GAD2: variants seen among roughly 807,000 people sequenced by gnomAD.
The protein encoded by GAD2 is glutamate decarboxylase 2.
GAD2 carries 22 observed loss-of-function variants against 80.1 expected under a neutral mutation model. The observed-to-expected ratio is 0.27, with a 90% confidence interval of 0.20 to 0.39. GAD2 has a LOEUF of 0.39. Ranked by LOEUF, GAD2 falls within the 10% of genes least tolerant of loss-of-function variation. The pLI is 1.00. For synonymous variants in GAD2, 274 were observed against 256.9 expected (o/e 1.07, Z -0.64); for missense variants, 624 against 738.4 (o/e 0.85, Z 1.80).
rs1343389503 is a variant in GAD2 at position 26,217,060 on chromosome 10, C to T, written c.76+175C>T. ...CCCAAGAGCTCAAGACCTCTACAGC[C>T]TCTTGTACCCTGGGAAGACGCCCAA... On this transcript the variant is annotated intron_variant, in intron 1 of 15. Transcript: ENST00000376261. The surrounding 1 kb of genome is among the most constrained non-coding windows in gnomAD (Gnocchi z 4.9). Among the ~76,000 whole-genome samples, 4 of 152,092 alleles carry T rather than the reference C, an allele frequency of 2.6e-5. No individual in the cohort carries two copies. The highest frequency in any genetic ancestry group is 2.6e-4 in the Admixed American group (4 of 15,268).
chr10:26,222,034 G>A (rs1450497599), intron 4 of GAD2, among the ~76,000 whole-genome samples: 1 of 152,204 alleles, frequency 6.6e-6, no homozygotes, highest in Admixed American at 6.5e-5. Context: ...AATCGAGAGA[G>A]CCTGTTGATC....
intron 15 of GAD2, among the ~76,000 whole-genome samples, chr10:26,300,048 C>T (rs1220521431): frequency 3.9e-5 from 6 of 152,084 alleles, no homozygotes; most frequent in Admixed American, 3.9e-4. Context: ...GATGAGGCCT[C>T]ATAAATGGAT....
chr10:26,239,631 C>T (rs1844716443), intron 7 of GAD2, among the ~76,000 whole-genome samples: 1 of 152,162 alleles, frequency 6.6e-6, no homozygotes, highest in Non-Finnish European at 1.5e-5. Flanking sequence ...ACACAGTGAA[C>T]TAATATTAGA....
At chr10:26,263,454 G>T (rs1166622010) in intron 8 of GAD2, among the ~76,000 whole-genome samples, 2 of 152,142 alleles carry the variant, frequency 1.3e-5, no homozygotes, top group Non-Finnish European at 2.9e-5. Context: ...CCTAAGACAG[G>T]CTACCCATGT....
Position 26,286,509 on chromosome 10 carries a change from A to G in GAD2, c.1386+15A>G, listed in dbSNP as rs766633652. Reference sequence around the variant, plus strand: ...GGAGGGCAAAGGTGAGTATGTATGGACCAGCTAAATGTCAACTAAAAACAG... The same window carrying G: ...GGAGGGCAAAGGTGAGTATGTATGGGCCAGCTAAATGTCAACTAAAAACAG... On this transcript the variant is annotated intron_variant, in intron 13 of 15. Coordinates refer to ENST00000376261, the MANE Select transcript of GAD2 (RefSeq NM_001134366.2). The G allele has an allele frequency of 6.3e-7, 1 of 1,598,468 alleles. No individual in the cohort carries two copies. The highest frequency in any genetic ancestry group is 1.1e-5 in the South Asian group (1 of 87,504).
chr10:26,247,896 AAAAAAAAAAAAAAAAAGG>A (rs1307194869), intron 8 of GAD2, among the ~76,000 whole-genome samples: 4 of 71,044 alleles, frequency 5.6e-5, no homozygotes, highest in African/African-American at 2.0e-4. Context: ...ACTCCATCTC[AAAAAAAAAAAAAAAAAGG>A]AAAAGAAAAA....
At position 26,217,533 on chromosome 10, in the gene GAD2, A is replaced by C. The variant is rs984626165; in HGVS notation, c.77-77A>C. The C allele has an allele frequency of 1.4e-6, 2 of 1,464,298 alleles. No homozygotes were observed. The allele number at this position is 1,464,298 out of a possible 1,614,324, so 90.7% of individuals were successfully genotyped here. A position where few individuals can be genotyped will look rare whatever the true frequency, so the allele number is the denominator to read the frequency against. On this transcript the variant is annotated intron_variant, in intron 1 of 15. Transcript: ENST00000376261. This position sits in a 1 kb window ranked among gnomAD's most constrained non-coding sequence, Gnocchi z 4.9. ...TAGGACCCCGGACTGATTGATTTTCACATAGAACGAAATTTCACACGTCCG... is the reference window on the plus strand; with the variant it reads ...TAGGACCCCGGACTGATTGATTTTCCCATAGAACGAAATTTCACACGTCCG...
intron 15 of GAD2, among the ~76,000 whole-genome samples, chr10:26,299,493 T>C (rs1329242188): frequency 1.3e-5 from 2 of 152,218 alleles, no homozygotes; most frequent in East Asian, 3.8e-4. Context: ...GTGGATAGAC[T>C]GTATGTACAG....
At chr10:26,239,724 A>T (rs906365093) in intron 7 of GAD2, among the ~76,000 whole-genome samples, 9 of 152,166 alleles carry the variant, frequency 5.9e-5, no homozygotes, top group African/African-American at 1.9e-4. Flanking sequence ...TGTGGAGGTG[A>T]TATGTGAGCA....
intron 11 of GAD2, among the ~76,000 whole-genome samples, chr10:26,276,308 C>T (rs1014745015): frequency 3.9e-5 from 6 of 152,144 alleles, no homozygotes; most frequent in African/African-American, 1.4e-4. Flanking sequence ...GAGATGGTGC[C>T]GCTGAGAGGG....
At chr10:26,273,578 T>C in intron 10 of GAD2, 58 bp from the exon 11 acceptor site, 1 of 1,403,596 alleles carries the variant, frequency 7.1e-7, no homozygotes, top group Non-Finnish European at 1.0e-6. Context: ...GACACCAGAC[T>C]ATAGAAATCT....
intron 10 of GAD2, among the ~76,000 whole-genome samples, chr10:26,272,723 G>T (rs1266796867): frequency 6.6e-6 from 1 of 152,070 alleles, no homozygotes; most frequent in East Asian, 1.9e-4. Context: ...AATTAGCCAG[G>T]CATGGTGGTG....
Position 26,262,049 on chromosome 10 carries a change from G to A in GAD2, c.921-7070G>A, listed in dbSNP as rs1845015051. 5.3e-5 allele frequency among the ~76,000 whole-genome samples: 8 copies of A among 152,170 alleles called. No individual in the cohort carries two copies. The South Asian group carries it at 1.7e-3, about 32-fold the overall frequency. ...ATTATTATAGCTACATTTGTAAAATGTATCTATAGGTTTCTCTGGGCTATC... is the reference window on the plus strand; with the variant it reads ...ATTATTATAGCTACATTTGTAAAATATATCTATAGGTTTCTCTGGGCTATC... On this transcript the variant is annotated intron_variant, in intron 8 of 15. Transcript: ENST00000376261.
chr10:26,273,413 C>G (rs1340215294), intron 10 of GAD2, among the ~76,000 whole-genome samples: 1 of 152,176 alleles, frequency 6.6e-6, no homozygotes, highest in African/African-American at 2.4e-5. Flanking sequence ...GGACCAGGAG[C>G]TATGCCTCCA....
intron 8 of GAD2, among the ~76,000 whole-genome samples, chr10:26,251,056 C>CTTTTTTTTTTTTTTTTT (rs60993936): frequency 1.7e-5 from 2 of 119,854 alleles, no homozygotes; most frequent in African/African-American, 3.2e-5. Flanking sequence ...TTTTTTTTTG[C>CTTTTTTTTTTTTTTTTT]TTTTTTTTTT....
At chr10:26,227,739 A>G (rs1844547437) in intron 6 of GAD2, among the ~76,000 whole-genome samples, 1 of 152,184 alleles carries the variant, frequency 6.6e-6, no homozygotes, top group African/African-American at 2.4e-5. Context: ...CCAAAATGTC[A>G]GGAAGTGCCA....
rs1476741222 is a variant in GAD2, at chr10:26,217,420, G to T, written c.77-190G>T. Among the ~76,000 whole-genome samples, 2 of 152,162 alleles carry T rather than the reference G, an allele frequency of 1.3e-5. No individual in the cohort carries two copies. The highest frequency in any genetic ancestry group is 2.9e-5 in the Non-Finnish European group (2 of 68,004). On this transcript the variant is annotated intron_variant, in intron 1 of 15. Coordinates refer to ENST00000376261, the MANE Select transcript of GAD2 (RefSeq NM_001134366.2). The surrounding 1 kb of genome is among the most constrained non-coding windows in gnomAD (Gnocchi z 4.9). ...GAAACAGATAAAGGAAATGAGGGCT[G>T]GCCCGGGCCGCCAGCCTCCCGCTTG...
At chr10:26,268,034 T>C (rs2132303209) in intron 8 of GAD2, among the ~76,000 whole-genome samples, 2 of 152,294 alleles carry the variant, frequency 1.3e-5, no homozygotes, top group South Asian at 2.1e-4. Flanking sequence ...TATATGCCAA[T>C]AGCATCCCAC....
chr10:26,298,235 C>T (rs969024827), intron 15 of GAD2, among the ~76,000 whole-genome samples: 1 of 152,184 alleles, frequency 6.6e-6, no homozygotes, highest in Non-Finnish European at 1.5e-5. Flanking sequence ...GAACCCTGGA[C>T]CCATCTTAGT....
Sources: gnomAD v4.1 joint callset for allele counts (sites outside exome capture counted in the v4.1 genomes callset) on GRCh38, gnomAD v4.1.1 for gene constraint, Gnocchi (gnomAD v3.1) non-coding constraint, MANE v1.5 for transcripts, NCBI Gene and HGNC (gene_info 2026-07-23, HGNC 2026-07-21) for gene names.